SLC27A6: variants seen among roughly 807,000 people sequenced by gnomAD.
SLC27A6 encodes the protein solute carrier family 27 member 6.
In SLC27A6, 74 loss-of-function variants were observed where a neutral mutation model predicts 63.9. That is an observed-to-expected ratio of 1.16 (90% CI 0.96 to 1.40). The LOEUF is 1.40. SLC27A6 is among the 40% of genes most tolerant of loss of function. The probability of loss-of-function intolerance (pLI) is 0.00; values close to 1 mark genes in which losing one functional copy is unlikely to be tolerated. For missense variants in SLC27A6, 794 were observed against 732.9 expected, an observed-to-expected ratio of 1.08 and a Z score of -0.96; for synonymous variants, 287 against 260.8, an observed-to-expected ratio of 1.10 and a Z score of -0.97.
intron 1 of SLC27A6, among the ~76,000 whole-genome samples, chr5:128,971,964 A>G (rs979705036): frequency 6.6e-6 from 1 of 152,144 alleles, no homozygotes; most frequent in African/African-American, 2.4e-5. Flanking sequence ...CCTGGTGGTG[A>G]CAAAATCTCT....
intron 4 of SLC27A6, among the ~76,000 whole-genome samples, chr5:129,007,698 A>T (rs1177629744): frequency 2.0e-5 from 3 of 152,066 alleles, no homozygotes; most frequent in East Asian, 3.8e-4. Context: ...CCTCAATAAG[A>T]TATAAATTTT....
chr5:128,979,573 A>C (rs1750513008), intron 1 of SLC27A6, among the ~76,000 whole-genome samples: 1 of 152,144 alleles, frequency 6.6e-6, no homozygotes. Flanking sequence ...CCACTTTCTT[A>C]CTGAAAAATA....
intron 4 of SLC27A6, among the ~76,000 whole-genome samples, chr5:129,011,687 C>A (rs1490521930): frequency 6.6e-6 from 1 of 152,150 alleles, no homozygotes; most frequent in Non-Finnish European, 1.5e-5. Context: ...TAGGTGGATG[C>A]TACATCTGTA....
At chr5:129,002,861 T>C (rs1580728098) in intron 4 of SLC27A6, among the ~76,000 whole-genome samples, 1 of 152,314 alleles carries the variant, frequency 6.6e-6, no homozygotes, top group East Asian at 1.9e-4. Context: ...TCAAGCATGT[T>C]CTCTCTTTGT....
chr5:128,976,446 G>T (rs561829413), intron 1 of SLC27A6, among the ~76,000 whole-genome samples: 1 of 152,088 alleles, frequency 6.6e-6, no homozygotes, highest in Non-Finnish European at 1.5e-5. Flanking sequence ...CCTGGGAGGC[G>T]GAGTTTGCAG....
intron 1 of SLC27A6, among the ~76,000 whole-genome samples, chr5:128,973,900 T>A (rs970300627): frequency 1.3e-5 from 2 of 152,240 alleles, no homozygotes; most frequent in Non-Finnish European, 2.9e-5. Context: ...TTCAGCTATC[T>A]TGGAACAATA....
At chr5:128,987,029 A>T (rs1029655242) in intron 2 of SLC27A6, among the ~76,000 whole-genome samples, 3 of 152,206 alleles carry the variant, frequency 2.0e-5, no homozygotes, top group African/African-American at 7.2e-5. Flanking sequence ...TTCCACCCTG[A>T]TAGAAGTCCT....
intron 1 of SLC27A6, among the ~76,000 whole-genome samples, chr5:128,970,750 C>G (rs888289963): frequency 6.6e-6 from 1 of 150,618 alleles, no homozygotes; most frequent in African/African-American, 2.4e-5. Context: ...TTTTATGTCT[C>G]TATCTCCTTC....
At chr5:128,973,886 C>T (rs1250962230) in intron 1 of SLC27A6, among the ~76,000 whole-genome samples, 2 of 152,186 alleles carry the variant, frequency 1.3e-5, no homozygotes, top group East Asian at 3.9e-4. Flanking sequence ...TGGTGCTGTT[C>T]CTATTCAGCT....
chr5:128,974,702 C>G (rs1319817706), intron 1 of SLC27A6, among the ~76,000 whole-genome samples: 1 of 152,116 alleles, frequency 6.6e-6, no homozygotes. Flanking sequence ...GGAGGTAAGC[C>G]AGACAGACCC....
chr5:128,982,154 T>A (rs1750616030), intron 1 of SLC27A6, among the ~76,000 whole-genome samples: 2 of 152,136 alleles, frequency 1.3e-5, no homozygotes, highest in South Asian at 2.1e-4. Flanking sequence ...TGATAATGAT[T>A]CTTTATCCCC....
At chr5:128,981,574 T>G (rs17617241) in intron 1 of SLC27A6, among the ~76,000 whole-genome samples, 37,077 of 148,840 alleles carry the variant, frequency 0.25, 5,185 homozygotes, top group Non-Finnish European at 0.31. Context: ...TAACCAGTTA[T>G]CTATCTAGCA....
intron 1 of SLC27A6, among the ~76,000 whole-genome samples, chr5:128,969,354 C>A (rs1031875607): frequency 8.5e-5 from 13 of 152,196 alleles, no homozygotes; most frequent in Admixed American, 2.6e-4. Context: ...TTACCTTGGG[C>A]AGTATGGCCA....
In SLC27A6 at chr5:129,028,343, A is replaced by G. The variant is rs1263837600; in HGVS notation, c.1455-2A>G. 6.3e-7 allele frequency: 1 copy of G among 1,596,720 alleles called. No homozygotes were observed. Among genetic ancestry groups the G allele is most frequent in the South Asian group, 1.1e-5 (1 of 90,110 alleles). On this transcript the variant is annotated splice_acceptor_variant, in intron 7 of 9. Coordinates refer to ENST00000262462, the MANE Select transcript of SLC27A6 (RefSeq NM_001017372.3). LOFTEE classifies it high-confidence loss of function. ...AACTGGAATTTGATTTTTTTCATTTAGATGGAAAGGAGAAAATGTCGCAAC... is the reference window on the plus strand; with the variant it reads ...AACTGGAATTTGATTTTTTTCATTTGGATGGAAAGGAGAAAATGTCGCAAC...
chr5:128,989,922 T>TAAAAAA (rs1231944483), intron 3 of SLC27A6, among the ~76,000 whole-genome samples: 1 of 84,808 alleles, frequency 1.2e-5, no homozygotes, highest in Admixed American at 1.3e-4. Context: ...AGACTCCGTC[T>TAAAAAA]CAAAAAAAAA....
chr5:128,998,834 A>G (rs1751243041), intron 4 of SLC27A6, among the ~76,000 whole-genome samples: 1 of 152,198 alleles, frequency 6.6e-6, no homozygotes, highest in Non-Finnish European at 1.5e-5. Context: ...GTGAGGGCTT[A>G]TCAGGAAATA....
intron 4 of SLC27A6, among the ~76,000 whole-genome samples, chr5:129,001,307 C>T (rs752359997): frequency 2.2e-4 from 34 of 152,156 alleles, no homozygotes; most frequent in Non-Finnish European, 4.1e-4. Flanking sequence ...TATTTTTCTG[C>T]CCCAGTTCTC....
intron 1 of SLC27A6, among the ~76,000 whole-genome samples, chr5:128,975,130 C>G (rs1750331903): frequency 6.6e-6 from 1 of 152,176 alleles, no homozygotes; most frequent in South Asian, 2.1e-4. Context: ...GCAGGCAGAT[C>G]ACCTGAGGTC....
chr5:129,001,099 C>T (rs968921724), intron 4 of SLC27A6, among the ~76,000 whole-genome samples: 1 of 152,162 alleles, frequency 6.6e-6, no homozygotes, highest in Admixed American at 6.5e-5. Flanking sequence ...CCACGGCCCA[C>T]CCAAACTCAG....
Sources: gnomAD v4.1 joint callset for allele counts (sites outside exome capture counted in the v4.1 genomes callset) on GRCh38, gnomAD v4.1.1 for gene constraint, MANE v1.5 for transcripts, NCBI Gene and HGNC (gene_info 2026-07-23, HGNC 2026-07-21) for gene names.